Variants in MVB12B observed in about 807,000 individuals in gnomAD.
MVB12B encodes the protein ESCRT-I complex subunit MVB12B.
A neutral mutation model predicts 41.6 loss-of-function variants in MVB12B; 16 were observed. That is an observed-to-expected ratio of 0.38 (90% CI 0.26 to 0.58). MVB12B has a LOEUF of 0.58. MVB12B is among the 20% of genes least tolerant of loss of function. MVB12B has a pLI of 0.62. For missense variants in MVB12B, 274 were observed against 380.2 expected (o/e 0.72, Z 2.32); for synonymous variants, 133 against 139.7 (o/e 0.95, Z 0.34).
chr9:126,483,286 C>T (rs1833563547), intron 8 of MVB12B, among the ~76,000 whole-genome samples: 1 of 152,238 alleles, frequency 6.6e-6, no homozygotes, highest in Admixed American at 6.5e-5. Context: ...ACTCAACTGC[C>T]ATGTGTATTT....
intron 9 of MVB12B, among the ~76,000 whole-genome samples, chr9:126,490,573 C>T (rs1361000470): frequency 6.6e-6 from 1 of 152,214 alleles, no homozygotes; most frequent in Non-Finnish European, 1.5e-5. Flanking sequence ...CACACATTAG[C>T]CTGCCGCACT....
rs1207776813 is a variant in MVB12B at position 126,389,349 on chromosome 9, G to A, written c.409+2691G>A. ...TCAAGACCCTGATTTTATACAGTCA[G>A]CCAAAAACAGGAGACTCCTGTAATT... is the stretch of plus-strand genomic sequence containing the variant. On this transcript the variant is annotated intron_variant, in intron 4 of 9. Transcript: ENST00000361171. This position sits in a 1 kb window ranked among gnomAD's most constrained non-coding sequence, Gnocchi z 4.4. Among the ~76,000 whole-genome samples the A allele has an allele frequency of 6.6e-6, 1 of 152,106 alleles. No homozygotes were observed. The highest frequency in any genetic ancestry group is 6.5e-5 in the Admixed American group (1 of 15,274).
At chr9:126,469,998 A>G (rs1000762647) in intron 7 of MVB12B, among the ~76,000 whole-genome samples, 1 of 152,238 alleles carries the variant, frequency 6.6e-6, no homozygotes, top group African/African-American at 2.4e-5. Flanking sequence ...GACTGCTATG[A>G]TGTTTAAATG....
At chr9:126,414,785 G>T (rs1012069093) in intron 6 of MVB12B, among the ~76,000 whole-genome samples, 1 of 151,660 alleles carries the variant, frequency 6.6e-6, no homozygotes, top group Non-Finnish European at 1.5e-5. Flanking sequence ...CTGTCCATAA[G>T]TGCACCAGCC....
At chr9:126,354,061 G>A (rs1039294954) in intron 2 of MVB12B, among the ~76,000 whole-genome samples, 4 of 152,190 alleles carry the variant, frequency 2.6e-5, no homozygotes, top group African/African-American at 7.2e-5. Flanking sequence ...CTCATTTTGC[G>A]AATGTGCAGT....
At chr9:126,421,207 A>T (rs2119088904) in intron 6 of MVB12B, among the ~76,000 whole-genome samples, 1 of 152,200 alleles carries the variant, frequency 6.6e-6, no homozygotes, top group African/African-American at 2.4e-5. Context: ...AGCTTTAATG[A>T]CTCACACCTG....
chr9:126,376,482 T>C lies in MVB12B; in HGVS notation c.205-4582T>C. ...AGCTCATGGGCTGGAGCCCTGTGGG[T>C]GGGGGGCCTGCTGGCTGGTGTGCTA... On this transcript the variant is annotated intron_variant, in intron 2 of 9. Coordinates refer to ENST00000361171, the MANE Select transcript of MVB12B (RefSeq NM_033446.3). The surrounding 1 kb of genome is among the most constrained non-coding windows in gnomAD (Gnocchi z 4.1). 1.6e-6 allele frequency: 2 copies of C among 1,285,936 alleles called. No homozygotes were observed. The highest frequency in any genetic ancestry group is 2.0e-6 in the Non-Finnish European group (2 of 986,350). The allele number at this position is 1,285,936 out of a possible 1,614,324, so 79.7% of individuals were successfully genotyped here.
intron 7 of MVB12B, among the ~76,000 whole-genome samples, chr9:126,472,709 T>C (rs1425795446): frequency 6.6e-6 from 1 of 152,232 alleles, no homozygotes; most frequent in Non-Finnish European, 1.5e-5. Context: ...TGCTGATTTC[T>C]ATGTACTGGC....
chr9:126,481,234 C>T (rs1833517038), intron 7 of MVB12B, 135 bp from the exon 8 acceptor site: 2 of 768,636 alleles, frequency 2.6e-6, no homozygotes, highest in Middle Eastern at 2.4e-4. Context: ...ATAGCTCCAG[C>T]ACATCTGTGC....
At chr9:126,403,112 T>A (rs529351348) in intron 6 of MVB12B, among the ~76,000 whole-genome samples, 1 of 152,238 alleles carries the variant, frequency 6.6e-6, no homozygotes, top group South Asian at 2.1e-4. Flanking sequence ...CCTTAAAGTC[T>A]GTGGTGACCT....
At chr9:126,393,125 A>C (rs1831007593) in intron 5 of MVB12B, among the ~76,000 whole-genome samples, 1 of 152,222 alleles carries the variant, frequency 6.6e-6, no homozygotes, top group Admixed American at 6.5e-5. Flanking sequence ...AATACTTACT[A>C]CAGTGAAATC....
chr9:126,478,015 G>C lies in MVB12B; in HGVS notation c.758-3354G>C, dbSNP rs1833453336. On this transcript the variant is annotated intron_variant, in intron 7 of 9. Transcript: ENST00000361171. The surrounding 1 kb of genome is among the most constrained non-coding windows in gnomAD (Gnocchi z 4.2). The stretch of plus-strand genomic sequence containing the variant: ...AGAAAGAAACACACGCTCCTTGTGG[G>C]AGCAGGGAGAAACTGCTTCATGGGT... Among the ~76,000 whole-genome samples, 1 of 152,200 alleles carries C rather than the reference G, an allele frequency of 6.6e-6. No homozygotes were observed. The highest frequency in any genetic ancestry group is 2.4e-5 in the African/African-American group (1 of 41,440).
intron 2 of MVB12B, among the ~76,000 whole-genome samples, chr9:126,370,687 G>T (rs1435790417): frequency 6.6e-6 from 1 of 151,952 alleles, no homozygotes; most frequent in African/African-American, 2.4e-5. Flanking sequence ...TGGCCTGGAG[G>T]GGTTTTTTAT....
chr9:126,338,136 A>G (rs958617647), intron 1 of MVB12B, among the ~76,000 whole-genome samples: 7 of 152,158 alleles, frequency 4.6e-5, no homozygotes, highest in African/African-American at 1.7e-4. Flanking sequence ...GCCCGGAGCC[A>G]TTTGTCCATA....
chr9:126,462,308 G>A (rs541940837), intron 7 of MVB12B, among the ~76,000 whole-genome samples: 10 of 152,298 alleles, frequency 6.6e-5, no homozygotes, highest in African/African-American at 1.4e-4. Context: ...AACCAATTTC[G>A]TAAACACAGG....
chr9:126,484,058 G>C, intron 9 of MVB12B, 26 bp downstream of exon 9: 1 of 1,608,796 alleles, frequency 6.2e-7, no homozygotes, highest in Non-Finnish European at 8.5e-7. Context: ...GGGGAGGGGA[G>C]GGCAGGCCTG....
intron 6 of MVB12B, among the ~76,000 whole-genome samples, chr9:126,398,847 C>G (rs1487023829): frequency 3.3e-5 from 5 of 151,958 alleles, no homozygotes; most frequent in African/African-American, 1.2e-4. Flanking sequence ...TGCTCCGCCT[C>G]CATTTCTTGT....
At chr9:126,491,167 T>G (rs1249539624) in intron 9 of MVB12B, among the ~76,000 whole-genome samples, 1 of 152,256 alleles carries the variant, frequency 6.6e-6, no homozygotes, top group African/African-American at 2.4e-5. Context: ...GAAAATGCAT[T>G]TGGCAGCATG....
rs1172979188 is a variant in MVB12B, at chr9:126,361,150, A to AT, written c.205-19909dup. On this transcript the variant is annotated intron_variant, in intron 2 of 9. Transcript: ENST00000361171. ...ATCTGTTGTTTTTTCCCCTTTTCCTATTTTTCCAACATTTTTTATTAATTA... is the reference window on the plus strand; with the variant it reads ...ATCTGTTGTTTTTTCCCCTTTTCCTATTTTTTCCAACATTTTTTATTAATTA... 3.3e-5 allele frequency among the ~76,000 whole-genome samples: 5 copies of AT among 149,420 alleles called. No individual in the cohort carries two copies. The South Asian group carries it at 6.3e-4, about 19-fold the overall frequency.
Sources: gnomAD v4.1 joint callset for allele counts (sites outside exome capture counted in the v4.1 genomes callset) on GRCh38, gnomAD v4.1.1 for gene constraint, Gnocchi (gnomAD v3.1) non-coding constraint, MANE v1.5 for transcripts, NCBI Gene and HGNC (gene_info 2026-07-23, HGNC 2026-07-21) for gene names.